TBC1D14: variants seen among roughly 807,000 people sequenced by gnomAD.
The protein encoded by TBC1D14 is TBC1 domain family member 14, also known as TBC1 domain family, member 14.
Under a neutral mutation model 79.0 loss-of-function variants are expected in TBC1D14, and 26 were observed. The observed-to-expected ratio is 0.33, with a 90% CI of 0.24 to 0.46. TBC1D14 has a LOEUF of 0.46. TBC1D14 is among the 20% of genes least tolerant of loss of function. The pLI is 1.00. For missense variants in TBC1D14, 769 were observed against 887.6 expected (o/e 0.87, Z 1.70); for synonymous variants, 394 against 349.9 (o/e 1.13, Z -1.40).
intron 5 of TBC1D14, among the ~76,000 whole-genome samples, chr4:6,998,575 G>T (rs1336341093): frequency 6.6e-6 from 1 of 151,204 alleles, no homozygotes; most frequent in Non-Finnish European, 1.5e-5. Context: ...GTCTCGCTCT[G>T]TTGCCCAGGC....
intron 3 of TBC1D14, among the ~76,000 whole-genome samples, chr4:6,982,202 C>T (rs1213243744): frequency 6.6e-6 from 1 of 152,192 alleles, no homozygotes; most frequent in Non-Finnish European, 1.5e-5. Flanking sequence ...TTTTCATAAT[C>T]TTCAAGAAAT....
chr4:6,945,214 A>G (rs912804956), intron 2 of TBC1D14, among the ~76,000 whole-genome samples: 6 of 152,116 alleles, frequency 3.9e-5, no homozygotes, highest in Non-Finnish European at 8.8e-5. Flanking sequence ...GCTGGGGTGT[A>G]GGGGCGGGCC....
At position 6,999,028 on chromosome 4, in the gene TBC1D14, C is replaced by G. The variant is rs1024386487; in HGVS notation, c.1046-57C>G. 3 of 1,562,232 alleles carry G rather than the reference C, an allele frequency of 1.9e-6. No homozygotes were observed. The African/African-American group carries it at 4.1e-5, about 21-fold the overall frequency. On this transcript the variant is annotated intron_variant, in intron 5 of 13. Transcript: ENST00000409757. ...CAGTGTGACAGGAAAATCACCTTGC[C>G]TGGAAATGGTCCATATCAGTTAGTA...
At chr4:6,987,665 C>T (rs553327380) in intron 3 of TBC1D14, 105 of 334,628 alleles carry the variant, frequency 3.1e-4, no homozygotes, top group Admixed American at 2.2e-3. Flanking sequence ...GTCCTCCTTA[C>T]CCTGTTTTCA....
intron 1 of TBC1D14, among the ~76,000 whole-genome samples, chr4:6,920,238 C>T (rs1200227710): frequency 6.6e-6 from 1 of 151,876 alleles, no homozygotes. Flanking sequence ...CTCCTTCAAT[C>T]TCTGGGAAGG....
intron 5 of TBC1D14, among the ~76,000 whole-genome samples, chr4:6,997,646 T>C (rs1336839736): frequency 6.6e-6 from 1 of 152,046 alleles, no homozygotes; most frequent in Non-Finnish European, 1.5e-5. Context: ...AATAAAAATA[T>C]ATAACAATGT....
At chr4:6,985,602 T>G (rs188489520) in intron 3 of TBC1D14, among the ~76,000 whole-genome samples, 16 of 152,266 alleles carry the variant, frequency 1.1e-4, no homozygotes, top group Admixed American at 9.2e-4. Flanking sequence ...CAATAAAACA[T>G]AATCTTTGGG....
chr4:6,987,258 C>T, intron 3 of TBC1D14: 2 of 1,274,614 alleles, frequency 1.6e-6, no homozygotes, highest in Non-Finnish European at 2.0e-6. Flanking sequence ...CGCCCGCCCG[C>T]CCGCGGTCCG....
chr4:6,966,873 G>A (rs1309126733), intron 2 of TBC1D14, among the ~76,000 whole-genome samples: 4 of 152,186 alleles, frequency 2.6e-5, no homozygotes, highest in African/African-American at 4.8e-5. Context: ...GCAGTGGCAC[G>A]ATCTCAGCTC....
At chr4:6,912,408 AAAAAT>A (rs1214789259) in intron 1 of TBC1D14, among the ~76,000 whole-genome samples, 76 of 151,694 alleles carry the variant, frequency 5.0e-4, no homozygotes, top group African/African-American at 1.9e-3. Context: ...AAAAAAATAA[AAAAAT>A]AAAAAATAAA....
intron 12 of TBC1D14, among the ~76,000 whole-genome samples, chr4:7,021,579 A>G (rs751487112): frequency 2.0e-5 from 3 of 152,180 alleles, no homozygotes; most frequent in Non-Finnish European, 4.4e-5. Flanking sequence ...CCTGGGCGAC[A>G]CAGTGAGACC....
chr4:7,028,791 A>G (rs942152336), intron 13 of TBC1D14, among the ~76,000 whole-genome samples: 4 of 151,424 alleles, frequency 2.6e-5, no homozygotes, highest in Non-Finnish European at 5.9e-5. Context: ...ATTTCTCTCA[A>G]ATCCTGTGCT....
At chr4:7,023,452 G>C (rs914415011) in intron 12 of TBC1D14, among the ~76,000 whole-genome samples, 3 of 152,142 alleles carry the variant, frequency 2.0e-5, no homozygotes, top group African/African-American at 7.2e-5. Context: ...AGGTACAATT[G>C]AGAATATTCT....
Position 7,004,905 on chromosome 4 carries a change from C to G in TBC1D14, c.1332C>G (p.Gly444=), listed in dbSNP as rs763574260. 1.2e-5 allele frequency: 20 copies of G among 1,614,130 alleles called. No homozygotes were observed. Among genetic ancestry groups the G allele is most frequent in the Non-Finnish European group, 1.7e-5 (20 of 1,180,004 alleles). The change falls in exon 8 of 14, where the codon GGC becomes GGG. Residue 444 remains glycine, a synonymous_variant. Transcript: ENST00000409757. ...GGTGGCGGTCCCTTAGCACAGGAGGCTCTGAAGTGGAGAACGAAGGTAGAA... is the reference window on the plus strand; with the variant it reads ...GGTGGCGGTCCCTTAGCACAGGAGGGTCTGAAGTGGAGAACGAAGGTAGAA... ...KERWRSLSTG[G]SEVENEDAGF...
Position 6,977,234 on chromosome 4 carries a change from C to T in TBC1D14, c.843+9810C>T, listed in dbSNP as rs1284015715. On this transcript the variant is annotated intron_variant, in intron 3 of 13. Transcript: ENST00000409757. ...GCAACCTCCCTGCCTGATTCTCCTG[C>T]CTCAGCCTGCCGAGTGCCTGCGATT... Among the ~76,000 whole-genome samples the T allele has an allele frequency of 4.1e-5, 6 of 146,638 alleles. No homozygotes were observed. The South Asian group carries it at 1.2e-3, about 28-fold the overall frequency.
intron 2 of TBC1D14, among the ~76,000 whole-genome samples, chr4:6,948,288 G>A (rs968922224): frequency 6.6e-6 from 1 of 152,166 alleles, no homozygotes; most frequent in Admixed American, 6.5e-5. Flanking sequence ...GGTAACCACT[G>A]TTCTGACTCT....
intron 2 of TBC1D14, among the ~76,000 whole-genome samples, chr4:6,941,937 A>G (rs1477213270): frequency 6.6e-6 from 1 of 152,138 alleles, no homozygotes; most frequent in Non-Finnish European, 1.5e-5. Flanking sequence ...GGAGGTGGCG[A>G]TTCAGTATGA....
chr4:6,980,117 A>G (rs1420028228), intron 3 of TBC1D14, among the ~76,000 whole-genome samples: 1 of 152,246 alleles, frequency 6.6e-6, no homozygotes, highest in Non-Finnish European at 1.5e-5. Context: ...TTTCAAATGT[A>G]CATGGAACAT....
At chr4:7,017,968 C>CTTTACA (rs1382494001) in intron 12 of TBC1D14, among the ~76,000 whole-genome samples, 1 of 152,190 alleles carries the variant, frequency 6.6e-6, no homozygotes, top group African/African-American at 2.4e-5. Flanking sequence ...GAAGAACAGA[C>CTTTACA]TTTACATAAG....
Sources: allele counts gnomAD v4.1 joint callset (sites outside exome capture counted in the v4.1 genomes callset), GRCh38; gene constraint gnomAD v4.1.1; transcripts MANE v1.5; gene names NCBI Gene and HGNC (gene_info 2026-07-23, HGNC 2026-07-21).